The following SYT14 variants were observed in gnomAD, a reference collection of about 807,000 sequenced individuals.
SYT14 encodes synaptotagmin 14.
A neutral mutation model predicts 74.2 loss-of-function variants in SYT14; 32 were observed. The observed-to-expected ratio is 0.43, with a 90% CI of 0.33 to 0.58. The LOEUF (loss-of-function observed/expected upper bound fraction) is 0.58, where lower values mean the gene tolerates loss of function less well. Among genes scored for constraint, SYT14 ranks in the 20% least tolerant of loss-of-function variants. The pLI, the probability that SYT14 is intolerant of heterozygous loss-of-function variation, is 0.05. For synonymous variants in SYT14, 298 were observed against 337.7 expected (o/e 0.88, Z 1.29); for missense variants, 791 against 981.8 (o/e 0.81, Z 2.60).
At chr1:210,100,296 T>C in exon 7 of SYT14, 1 of 1,614,136 alleles carries the variant, frequency 6.2e-7, no homozygotes, top group Non-Finnish European at 8.5e-7. Context: ...TTAATCATGT[T>C]GAATCTGAGA....
chr1:209,993,939 T>A (rs1054447726), intron 2 of SYT14, among the ~76,000 whole-genome samples: 1 of 152,162 alleles, frequency 6.6e-6, no homozygotes, highest in African/African-American at 2.4e-5. Context: ...TGAAACCAAG[T>A]GCAAGTGTTT....
At chr1:210,141,891 C>G (rs1239235180) in intron 7 of SYT14, among the ~76,000 whole-genome samples, 2 of 152,166 alleles carry the variant, frequency 1.3e-5, no homozygotes, top group African/African-American at 4.8e-5. Flanking sequence ...TGCTAGATTT[C>G]CAGAAATGCC....
chr1:209,984,431 A>G (rs2079538563), intron 2 of SYT14, among the ~76,000 whole-genome samples: 1 of 152,158 alleles, frequency 6.6e-6, no homozygotes, highest in African/African-American at 2.4e-5. Flanking sequence ...TGGTTGTTTC[A>G]GTGGAGGTAC....
At chr1:210,050,188 A>G (rs559532055) in intron 5 of SYT14, among the ~76,000 whole-genome samples, 67 of 152,116 alleles carry the variant, frequency 4.4e-4, no homozygotes, top group Non-Finnish European at 7.1e-4. Flanking sequence ...CTGCTTAGAA[A>G]TTTCTTCCGC....
chr1:209,941,512 G>A (rs1273296995), intron 1 of SYT14, among the ~76,000 whole-genome samples: 5 of 152,078 alleles, frequency 3.3e-5, no homozygotes, highest in East Asian at 1.9e-4. Flanking sequence ...ATCTGATAGC[G>A]TTGACACTTT....
At chr1:209,990,559 ACG>A (rs1491342572) in intron 2 of SYT14, among the ~76,000 whole-genome samples, 55 of 33,104 alleles carry the variant, frequency 1.7e-3, no homozygotes, top group South Asian at 6.9e-3. Context: ...GTATATATAT[ACG>A]TATATATATG....
In SYT14 at chr1:209,997,705, A is replaced by G. The variant is rs1031066664; in HGVS notation, c.-485-15928A>G. Among the ~76,000 whole-genome samples the G allele has an allele frequency of 3.9e-5, 6 of 152,246 alleles. No homozygotes were observed. In the East Asian group the frequency reaches 7.7e-4, roughly 20 times the overall value. ...AGACTACTACAGAGGGCATGGGGGC[A>G]TGGGTTACAAAACTACCTATTGGGT... On this transcript the variant is annotated intron_variant, in intron 2 of 9. Coordinates refer to ENST00000637265, the Ensembl canonical transcript of SYT14.
At chr1:209,941,123 A>G (rs1270015043) in intron 1 of SYT14, among the ~76,000 whole-genome samples, 1 of 152,142 alleles carries the variant, frequency 6.6e-6, no homozygotes, top group Non-Finnish European at 1.5e-5. Flanking sequence ...CTAGACTTTT[A>G]AGTACTAAGG....
chr1:209,976,197 A>G (rs1475954515), intron 2 of SYT14, among the ~76,000 whole-genome samples: 1 of 151,118 alleles, frequency 6.6e-6, no homozygotes, highest in Non-Finnish European at 1.5e-5. Context: ...TTGTGTCTCT[A>G]TTTCCTTCAG....
At chr1:209,943,546 A>T (rs1419903164) in intron 1 of SYT14, among the ~76,000 whole-genome samples, 1 of 149,366 alleles carries the variant, frequency 6.7e-6, no homozygotes, top group Admixed American at 6.7e-5. Flanking sequence ...AAGAGAATGC[A>T]GCAGTGCATG....
intron 2 of SYT14, among the ~76,000 whole-genome samples, chr1:209,984,229 T>TA (rs2079535935): frequency 6.6e-6 from 1 of 152,170 alleles, no homozygotes; most frequent in South Asian, 2.1e-4. Flanking sequence ...CCAGTCCAGG[T>TA]ATATGAGCTG....
At chr1:210,021,399 A>G (rs2080300540) in intron 5 of SYT14, 145 bp downstream of exon 4, 1 of 931,428 alleles carries the variant, frequency 1.1e-6, no homozygotes, top group Non-Finnish European at 1.6e-6. Flanking sequence ...ATTTATTCAA[A>G]TTTGTATCTT....
chr1:210,104,203 C>G (rs2082120050), intron 7 of SYT14, among the ~76,000 whole-genome samples: 2 of 152,288 alleles, frequency 1.3e-5, no homozygotes, highest in Middle Eastern at 3.4e-3. Context: ...CTAACAGTTG[C>G]AGTAGAGGAA....
chr1:210,001,509 T>C (rs1338710280), intron 2 of SYT14, among the ~76,000 whole-genome samples: 2 of 152,212 alleles, frequency 1.3e-5, no homozygotes, highest in African/African-American at 4.8e-5. Context: ...TTTATATTCA[T>C]AATTATTGCC....
exon 4 of SYT14, chr1:210,016,098 T>C (rs1572161845): frequency 5.7e-6 from 7 of 1,232,058 alleles, no homozygotes; most frequent in Non-Finnish European, 7.1e-6. Flanking sequence ...ACCACTGCTG[T>C]TGGGGAGGTC....
At chr1:210,094,581 C>A (rs372886209) in exon 6 of SYT14, 12 of 1,613,688 alleles carry the variant, frequency 7.4e-6, no homozygotes, top group Non-Finnish European at 9.3e-6. Context: ...GCACTGCAGT[C>A]CTGAGCCCTG....
intron 5 of SYT14, among the ~76,000 whole-genome samples, chr1:210,047,856 A>C (rs939344334): frequency 6.6e-6 from 1 of 152,194 alleles, no homozygotes; most frequent in Non-Finnish European, 1.5e-5. Context: ...AATAAAAAAG[A>C]TGTCCACTTT....
intron 2 of SYT14, among the ~76,000 whole-genome samples, chr1:209,973,922 A>G (rs1033228728): frequency 6.6e-6 from 1 of 152,180 alleles, no homozygotes; most frequent in African/African-American, 2.4e-5. Context: ...GTGAGATGGT[A>G]TCTCATTGTG....
chr1:210,134,464 A>G (rs1323469022), intron 7 of SYT14, among the ~76,000 whole-genome samples: 1 of 152,128 alleles, frequency 6.6e-6, no homozygotes, highest in African/African-American at 2.4e-5. Flanking sequence ...TCTGTATCTA[A>G]GTTTTACAGT....
Sources: gnomAD v4.1 joint callset for allele counts (sites outside exome capture counted in the v4.1 genomes callset) on GRCh38, gnomAD v4.1.1 for gene constraint, MANE v1.5 for transcripts, NCBI Gene and HGNC (gene_info 2026-07-23, HGNC 2026-07-21) for gene names.